The following LRRTM4 variants were observed in gnomAD, a reference collection of about 807,000 sequenced individuals.
LRRTM4 encodes leucine rich repeat transmembrane neuronal 4.
A neutral mutation model predicts 47.6 loss-of-function variants in LRRTM4; 25 were observed. The ratio of observed to expected loss-of-function variants is 0.53; its 90% confidence interval spans 0.38 to 0.73. The LOEUF (loss-of-function observed/expected upper bound fraction) is 0.73. Among genes scored for constraint, LRRTM4 ranks in the 30% least tolerant of loss-of-function variants. The probability of loss-of-function intolerance (pLI) is 0.00; values close to 1 mark genes in which losing one functional copy is unlikely to be tolerated. For synonymous variants in LRRTM4, 311 were observed against 269.5 expected, an observed-to-expected ratio of 1.15 and a Z score of -1.51; for missense variants, 638 against 713.4, an observed-to-expected ratio of 0.89 and a Z score of 1.20.
At position 77,078,663 on chromosome 2, in the gene LRRTM4, C is replaced by G. The variant is rs192177557; in HGVS notation, c.1552-329747G>C. On this transcript the variant is annotated intron_variant, in intron 3 of 3. Coordinates refer to ENST00000409884, the MANE Select transcript of LRRTM4 (RefSeq NM_001134745.3). ...TTCATTGACAAAAATCTGTCATCAT[C>G]TGATACACATATAGTTTAGTACAGT... Among the ~76,000 whole-genome samples the G allele has an allele frequency of 1.2e-3, 183 of 152,244 alleles. 2 individuals carry two copies. In the South Asian group the frequency reaches 0.019, roughly 16 times the overall value.
At chr2:77,313,862 C>G (rs889011468) in intron 3 of LRRTM4, among the ~76,000 whole-genome samples, 4 of 152,144 alleles carry the variant, frequency 2.6e-5, no homozygotes, top group Non-Finnish European at 5.9e-5. Flanking sequence ...CCACACCCCA[C>G]TCAAAATCAA....
chr2:76,894,608 T>C (rs1673352575), intron 3 of LRRTM4, among the ~76,000 whole-genome samples: 1 of 151,980 alleles, frequency 6.6e-6, no homozygotes, highest in Non-Finnish European at 1.5e-5. Flanking sequence ...ATTTCTAGGA[T>C]GGGCAAAGGC....
intron 3 of LRRTM4, among the ~76,000 whole-genome samples, chr2:77,502,519 C>A (rs531667299): frequency 1.2e-3 from 180 of 151,508 alleles, no homozygotes; most frequent in Admixed American, 4.9e-3. Flanking sequence ...ATGTAATTAT[C>A]TTTAAAAGGC....
intron 3 of LRRTM4, among the ~76,000 whole-genome samples, chr2:76,936,442 G>A (rs566932506): frequency 2.6e-5 from 4 of 151,920 alleles, no homozygotes; most frequent in Admixed American, 6.6e-5. Flanking sequence ...TGTTGAGGGT[G>A]GGGGGTTAGG....
chr2:77,495,671 T>C (rs1678336334), intron 3 of LRRTM4, among the ~76,000 whole-genome samples: 1 of 152,150 alleles, frequency 6.6e-6, no homozygotes, highest in South Asian at 2.1e-4. Context: ...CTTTGCACTT[T>C]TGTCAAAGAT....
Position 77,004,368 on chromosome 2 carries a change from A to G in LRRTM4, c.1552-255452T>C, listed in dbSNP as rs34818353. On this transcript the variant is annotated intron_variant, in intron 3 of 3. Coordinates refer to ENST00000409884, the MANE Select transcript of LRRTM4 (RefSeq NM_001134745.3). Reference sequence around the variant, plus strand: ...GCTCTAGTCATGGCTAAAAGAGACCAAAGTGTATCTTGGGACATGGCTTGA... The same window carrying G: ...GCTCTAGTCATGGCTAAAAGAGACCGAAGTGTATCTTGGGACATGGCTTGA... Among the ~76,000 whole-genome samples the G allele has an allele frequency of 6.9e-3, 1,051 of 152,300 alleles. 2 individuals are homozygous for G. The highest frequency in any genetic ancestry group is 0.012 in the Non-Finnish European group (814 of 68,018).
intron 3 of LRRTM4, among the ~76,000 whole-genome samples, chr2:77,284,260 C>T (rs866257887): frequency 1.1e-4 from 16 of 151,824 alleles, no homozygotes; most frequent in South Asian, 8.3e-4. Context: ...GGTCTGTTAG[C>T]GATAATTATC....
chr2:77,491,047 T>C (rs1276601664), intron 3 of LRRTM4, among the ~76,000 whole-genome samples: 1 of 147,528 alleles, frequency 6.8e-6, no homozygotes, highest in Non-Finnish European at 1.5e-5. Flanking sequence ...CCATAATAAA[T>C]GCAAAAGGAT....
chr2:76,972,888 A>G (rs1168429885), intron 3 of LRRTM4, among the ~76,000 whole-genome samples: 1 of 151,824 alleles, frequency 6.6e-6, no homozygotes, highest in East Asian at 1.9e-4. Flanking sequence ...ATATAATGGA[A>G]TAAGTATAAT....
chr2:77,309,629 C>T (rs1441068094), intron 3 of LRRTM4, among the ~76,000 whole-genome samples: 1 of 151,936 alleles, frequency 6.6e-6, no homozygotes, highest in Non-Finnish European at 1.5e-5. Flanking sequence ...CACTGAGCAA[C>T]ATGACTGCAG....
chr2:77,245,417 A>G (rs1396401693), intron 3 of LRRTM4, among the ~76,000 whole-genome samples: 1 of 151,374 alleles, frequency 6.6e-6, no homozygotes, highest in Non-Finnish European at 1.5e-5. Context: ...CAAAACAAAA[A>G]TGAGACAGGA....
intron 3 of LRRTM4, among the ~76,000 whole-genome samples, chr2:77,224,125 A>T (rs1186929799): frequency 1.3e-5 from 2 of 151,642 alleles, no homozygotes; most frequent in Non-Finnish European, 2.9e-5. Context: ...TTCCCTATTT[A>T]ATAAATGGTG....
chr2:76,924,317 T>C (rs1674522753), intron 3 of LRRTM4, among the ~76,000 whole-genome samples: 1 of 152,060 alleles, frequency 6.6e-6, no homozygotes, highest in Admixed American at 6.6e-5. Flanking sequence ...TCAACTCTTC[T>C]CTTTTTGTTC....
intron 3 of LRRTM4, among the ~76,000 whole-genome samples, chr2:77,449,391 A>T (rs1303949691): frequency 2.0e-5 from 3 of 152,194 alleles, no homozygotes; most frequent in Non-Finnish European, 2.9e-5. Context: ...GAATTGTGAA[A>T]AGTCTAAAAG....
chr2:77,403,147 A>T (rs139265557), intron 3 of LRRTM4, among the ~76,000 whole-genome samples: 1 of 152,128 alleles, frequency 6.6e-6, no homozygotes, highest in African/African-American at 2.4e-5. Flanking sequence ...CCCAGTTAAC[A>T]TCAGGTAAAA....
chr2:76,959,499 A>AG (rs11414335), intron 3 of LRRTM4, among the ~76,000 whole-genome samples: 89,850 of 151,346 alleles, frequency 0.59, 28,965 homozygotes, highest in African/African-American at 0.85. Flanking sequence ...ACCTTTAAAA[A>AG]TGGGGTTTGT....
At chr2:77,225,108 A>G (rs1674764441) in intron 3 of LRRTM4, among the ~76,000 whole-genome samples, 1 of 151,362 alleles carries the variant, frequency 6.6e-6, no homozygotes, top group African/African-American at 2.4e-5. Flanking sequence ...GCAAACTATC[A>G]CAAGGACAAA....
chr2:77,051,009 T>C (rs895710866), intron 3 of LRRTM4, among the ~76,000 whole-genome samples: 8 of 148,338 alleles, frequency 5.4e-5, no homozygotes, highest in African/African-American at 2.0e-4. Context: ...ACAAGATACT[T>C]AAAACATTTT....
In LRRTM4 at chr2:77,516,720, T is replaced by A. The variant is rs886553446; in HGVS notation, c.1551+1598A>T. The stretch of plus-strand genomic sequence containing the variant: ...TTTAAGGGCAATTGCTTATACAGTT[T>A]CCTTTTAGGAATTTATTATCTGGGA... On this transcript the variant is annotated intron_variant, in intron 3 of 3. Coordinates refer to ENST00000409884, the MANE Select transcript of LRRTM4 (RefSeq NM_001134745.3). 4 of 965,092 alleles carry A rather than the reference T, an allele frequency of 4.1e-6. No individual in the cohort carries two copies. In the African/African-American group the frequency reaches 5.3e-5, roughly 13 times the overall value. 59.8% of individuals were successfully genotyped at this position (965,092 alleles called of 1,614,324 possible).
Sources: gnomAD v4.1 joint callset for allele counts (sites outside exome capture counted in the v4.1 genomes callset) on GRCh38, gnomAD v4.1.1 for gene constraint, MANE v1.5 for transcripts, NCBI Gene and HGNC (gene_info 2026-07-23, HGNC 2026-07-21) for gene names.